Variants in RFC3 observed in about 807,000 individuals in gnomAD.
RFC3 encodes the protein A1 38 kDa subunit.
RFC3 carries 41 observed loss-of-function variants against 45.1 expected under a neutral mutation model. The ratio of observed to expected loss-of-function variants is 0.91; its 90% CI spans 0.71 to 1.18. The LOEUF is 1.18. Among genes scored for constraint, RFC3 ranks in the 50% most tolerant of loss-of-function variants. The pLI, the probability that RFC3 is intolerant of heterozygous loss-of-function variation, is 0.00. For synonymous variants in RFC3, 149 were observed against 144.0 expected, an observed-to-expected ratio of 1.03 and a Z score of -0.25; for missense variants, 423 against 428.1, an observed-to-expected ratio of 0.99 and a Z score of 0.10.
chr13:33,861,448 C>T (rs1315312513), intron 8 of RFC3, among the ~76,000 whole-genome samples: 2 of 151,734 alleles, frequency 1.3e-5, no homozygotes, highest in South Asian at 2.1e-4. Flanking sequence ...GCCAACATGC[C>T]GAAACTCTGT....
intron 8 of RFC3, among the ~76,000 whole-genome samples, chr13:33,906,773 G>A (rs1453001524): frequency 6.6e-6 from 1 of 151,892 alleles, no homozygotes; most frequent in Non-Finnish European, 1.5e-5. Flanking sequence ...CTGTAGTGAG[G>A]GCCAAATGGT....
intron 8 of RFC3, among the ~76,000 whole-genome samples, chr13:33,941,728 G>GT (rs150969054): frequency 0.019 from 2,769 of 147,818 alleles, 78 homozygotes; most frequent in African/African-American, 0.064. Context: ...TAGATTTAAG[G>GT]TTTTTTTTTT....
At chr13:33,966,199 T>C in exon 9 of RFC3, 1 of 1,117,712 alleles carries the variant, frequency 8.9e-7, no homozygotes, top group Non-Finnish European at 1.4e-6. Flanking sequence ...GCAAATATAA[T>C]CCACTTTGCT....
chr13:33,845,556 G>C (rs2082231264), intron 8 of RFC3, among the ~76,000 whole-genome samples: 1 of 152,020 alleles, frequency 6.6e-6, no homozygotes. Context: ...CATTATTAAA[G>C]GGCTCTGATG....
intron 8 of RFC3, among the ~76,000 whole-genome samples, chr13:33,909,513 C>T (rs978195775): frequency 6.6e-6 from 1 of 152,006 alleles, no homozygotes; most frequent in South Asian, 2.1e-4. Context: ...TTTTCTCACT[C>T]CTTGTCTTAT....
intron 8 of RFC3, among the ~76,000 whole-genome samples, chr13:33,926,001 A>G (rs2082809530): frequency 6.6e-6 from 1 of 152,008 alleles, no homozygotes. Context: ...AATGTGGCAC[A>G]TATACACCAT....
intron 8 of RFC3, among the ~76,000 whole-genome samples, chr13:33,949,739 A>G (rs2082977130): frequency 6.6e-6 from 1 of 152,160 alleles, no homozygotes; most frequent in African/African-American, 2.4e-5. Flanking sequence ...TTAACATTTG[A>G]ATAGGTAGAC....
chr13:33,935,759 A>G (rs1288642240), intron 8 of RFC3, among the ~76,000 whole-genome samples: 2 of 152,214 alleles, frequency 1.3e-5, no homozygotes, highest in African/African-American at 4.8e-5. Flanking sequence ...TGGGAAGAGG[A>G]CACAGCATTA....
At chr13:33,917,353 A>C (rs1409380451) in intron 8 of RFC3, among the ~76,000 whole-genome samples, 1 of 152,142 alleles carries the variant, frequency 6.6e-6, no homozygotes, top group African/African-American at 2.4e-5. Flanking sequence ...AGGCATGGAA[A>C]GGATGGTTAG....
intron 8 of RFC3, among the ~76,000 whole-genome samples, chr13:33,950,520 A>G (rs2082982938): frequency 6.6e-6 from 1 of 152,054 alleles, no homozygotes; most frequent in South Asian, 2.1e-4. Context: ...ATAAAGAAAT[A>G]CTCCTTTCAC....
At chr13:33,973,640 C>A in the RFC3 span, among the ~76,000 whole-genome samples, 2 of 150,638 alleles carry the variant, frequency 1.3e-5, no homozygotes, top group South Asian at 4.2e-4. Flanking sequence ...TCTCCCTCTC[C>A]CTCTTCTTCT....
chr13:33,835,668 G>A (rs3135631), intron 8 of RFC3, among the ~76,000 whole-genome samples: 16,785 of 152,162 alleles, frequency 0.11, 1,196 homozygotes, highest in African/African-American at 0.18. Context: ...CCACACTTTA[G>A]TATGGATGTT....
chr13:33,818,614 C>G (rs1329939962), intron 1 of RFC3, among the ~76,000 whole-genome samples: 1 of 152,136 alleles, frequency 6.6e-6, no homozygotes, highest in African/African-American at 2.4e-5. Context: ...CCGGCGTAGC[C>G]GATAGTGGTG....
At chr13:33,966,577 C>T (rs2083089085), downstream of RFC3, 1 of 162,128 alleles carries the variant, frequency 6.2e-6, no homozygotes, top group African/African-American at 2.4e-5. Context: ...CTGCTATTTT[C>T]TCACAAATAT....
chr13:33,839,726 A>G (rs1311615046), downstream of RFC3, among the ~76,000 whole-genome samples: 1 of 152,168 alleles, frequency 6.6e-6, no homozygotes, highest in African/African-American at 2.4e-5. Flanking sequence ...CTCAAATTTC[A>G]GTCTGGCATC....
intron 8 of RFC3, among the ~76,000 whole-genome samples, chr13:33,888,747 C>CTT (rs569209303): frequency 8.0e-5 from 11 of 136,696 alleles, no homozygotes; most frequent in African/African-American, 8.2e-5. Flanking sequence ...TAAAGAAAAT[C>CTT]TTTTTTTTTT....
At chr13:33,834,244 T>G (rs2082129332) in intron 7 of RFC3, among the ~76,000 whole-genome samples, 1 of 146,786 alleles carries the variant, frequency 6.8e-6, no homozygotes, top group African/African-American at 2.6e-5. Context: ...TTTTTAAGAA[T>G]TCTTATAAAT....
chr13:33,946,952 CT>C (rs2082958057), intron 8 of RFC3, among the ~76,000 whole-genome samples: 1 of 152,146 alleles, frequency 6.6e-6, no homozygotes, highest in South Asian at 2.1e-4. Context: ...TGGAAATGCA[CT>C]GATTATTTGG....
chr13:33,915,575 A>G (rs528390159), intron 8 of RFC3, among the ~76,000 whole-genome samples: 1 of 152,122 alleles, frequency 6.6e-6, no homozygotes. Flanking sequence ...TGCCCATGCC[A>G]GAATTTTGTT....
Sources: gnomAD v4.1 joint callset for allele counts (sites outside exome capture counted in the v4.1 genomes callset) on GRCh38, gnomAD v4.1.1 for gene constraint, MANE v1.5 for transcripts, NCBI Gene and HGNC (gene_info 2026-07-23, HGNC 2026-07-21) for gene names.